The following ZNF536 variants were observed in gnomAD, a reference collection of about 807,000 sequenced individuals.
ZNF536 encodes the protein zinc finger protein 536.
Under a neutral mutation model 84.5 loss-of-function variants are expected in ZNF536, and 13 were observed. That is an observed-to-expected ratio of 0.15 (90% CI 0.10 to 0.24). The LOEUF is 0.24. Ranked by LOEUF, ZNF536 falls within the 10% of genes least tolerant of loss-of-function variation. ZNF536 has a pLI of 1.00. For synonymous variants in ZNF536, 811 were observed against 742.5 expected (o/e 1.09, Z -1.50); for missense variants, 1,536 against 1,747.5 (o/e 0.88, Z 2.16).
chr19:30,477,110 C>T (rs2053882014), intron 2 of ZNF536, among the ~76,000 whole-genome samples: 1 of 152,116 alleles, frequency 6.6e-6, no homozygotes, highest in African/African-American at 2.4e-5. Flanking sequence ...TGTTAAGGTC[C>T]ACTTGTCTTT....
At chr19:30,503,242 C>T (rs973100897) in intron 2 of ZNF536, among the ~76,000 whole-genome samples, 1 of 152,114 alleles carries the variant, frequency 6.6e-6, no homozygotes, top group African/African-American at 2.4e-5. Flanking sequence ...TTGCTAAATA[C>T]ATGATAGATG....
Position 30,358,919 on chromosome 19 carries a change from G to T in ZNF536, c.-3+6435G>T, listed in dbSNP as rs907525920. 1.3e-5 allele frequency among the ~76,000 whole-genome samples: 2 copies of T among 152,194 alleles called. 1 individual carries two copies. The highest frequency in any genetic ancestry group is 1.3e-4 in the Admixed American group (2 of 15,284). On this transcript the variant is annotated intron_variant, in intron 3 of 5. Coordinates refer to the ZNF536 transcript ENST00000585628. Reference sequence around the variant, plus strand: ...CCCTGTCACTGTGTGACCTGGGCAGGTCTCTTCACTCTTGGGGAGCTGTCA... The same window carrying T: ...CCCTGTCACTGTGTGACCTGGGCAGTTCTCTTCACTCTTGGGGAGCTGTCA...
intron 1 of ZNF536, among the ~76,000 whole-genome samples, chr19:30,634,086 C>T (rs893913695): frequency 6.6e-6 from 1 of 152,032 alleles, no homozygotes; most frequent in African/African-American, 2.4e-5. Flanking sequence ...AAGGTCGTTT[C>T]CATTGCATCC....
rs768856443 is a variant in ZNF536, at chr19:30,444,188, G to C, written c.626G>C (p.Arg209Pro). Residue 209 changes from arginine (R) to proline (P), a missense_variant, in exon 2 of 5, where the codon CGG becomes CCG. Around this residue, in one of 8 missense-constraint regions of ZNF536, gnomAD observed 138 missense variants for 136.8 expected, o/e 1.01. Coordinates refer to ENST00000355537, the MANE Select transcript of ZNF536 (RefSeq NM_014717.3). ...LHELEERAILRDKQLKGSLLQ... is the reference protein window; with the variant it reads ...LHELEERAILPDKQLKGSLLQ... Reference sequence around the variant, plus strand: ...GAGCTGGAGGAGCGCGCCATCCTGCGGGACAAGCAGCTGAAAGGCAGCCTG... The same window carrying C: ...GAGCTGGAGGAGCGCGCCATCCTGCCGGACAAGCAGCTGAAAGGCAGCCTG... The C allele has an allele frequency of 6.4e-7, 1 of 1,560,810 alleles. No individual in the cohort carries two copies. The highest frequency in any genetic ancestry group is 1.2e-5 in the South Asian group (1 of 86,242).
intron 1 of ZNF536, among the ~76,000 whole-genome samples, chr19:30,567,574 A>G (rs1033357118): frequency 2.6e-5 from 4 of 152,148 alleles, no homozygotes; most frequent in African/African-American, 9.7e-5. Flanking sequence ...GAGGGCCCCG[A>G]GGAAACCTGA....
At chr19:30,662,037 C>T (rs2050140334) in intron 1 of ZNF536, among the ~76,000 whole-genome samples, 2 of 152,168 alleles carry the variant, frequency 1.3e-5, no homozygotes, top group Non-Finnish European at 2.9e-5. Flanking sequence ...AACTTAATAG[C>T]TCAAAGCTTA....
intron 1 of ZNF536, among the ~76,000 whole-genome samples, chr19:30,583,691 G>A (rs190890608): frequency 1.5e-3 from 235 of 152,288 alleles, no homozygotes; most frequent in African/African-American, 5.5e-3. Flanking sequence ...GTCCTCATGA[G>A]GGCAGCAATC....
intron 1 of ZNF536, among the ~76,000 whole-genome samples, chr19:30,685,365 A>T (rs939959172): frequency 1.3e-5 from 2 of 152,136 alleles, no homozygotes; most frequent in Non-Finnish European, 2.9e-5. Context: ...GGGCTCTTAC[A>T]GCGGGAGTGT....
chr19:30,333,429 C>T (rs1312370033), intron 2 of ZNF536, among the ~76,000 whole-genome samples: 1 of 152,338 alleles, frequency 6.6e-6, no homozygotes, highest in African/African-American at 2.4e-5. Context: ...TGAATGCCCA[C>T]ACTGAACATT....
chr19:30,572,682 G>A (rs138292610), intron 1 of ZNF536, among the ~76,000 whole-genome samples: 6 of 152,198 alleles, frequency 3.9e-5, no homozygotes, highest in African/African-American at 1.4e-4. Context: ...ACCTTCTATG[G>A]GGACACTGAC....
intron 1 of ZNF536, among the ~76,000 whole-genome samples, chr19:30,438,694 G>A (rs1894846826): frequency 6.6e-6 from 1 of 151,874 alleles, no homozygotes; most frequent in African/African-American, 2.4e-5. Context: ...TTTGTTTTTT[G>A]AGACAAGGTC....
intron 2 of ZNF536, among the ~76,000 whole-genome samples, chr19:30,503,656 T>C (rs1430357019): frequency 6.6e-6 from 1 of 152,206 alleles, no homozygotes; most frequent in Non-Finnish European, 1.5e-5. Context: ...CCTTGCAAAG[T>C]CAGCAGACAT....
chr19:30,345,627 A>T (rs1298986339), intron 2 of ZNF536, among the ~76,000 whole-genome samples: 21 of 152,236 alleles, frequency 1.4e-4, no homozygotes, highest in Non-Finnish European at 8.8e-5. Flanking sequence ...ATTTCAAATG[A>T]GTCCTTATCT....
chr19:30,488,143 G>C (rs1241778010), intron 2 of ZNF536, among the ~76,000 whole-genome samples: 6 of 152,140 alleles, frequency 3.9e-5, no homozygotes, highest in Non-Finnish European at 7.4e-5. Context: ...TCTACTTACA[G>C]ATTTCCCTCC....
intron 1 of ZNF536, among the ~76,000 whole-genome samples, chr19:30,586,694 G>A (rs1383665846): frequency 1.3e-5 from 2 of 152,208 alleles, no homozygotes; most frequent in Non-Finnish European, 2.9e-5. Context: ...GTTCAACACA[G>A]CCTGCTTTTT....
At chr19:30,332,705 A>G (rs961627501) in intron 2 of ZNF536, among the ~76,000 whole-genome samples, 6 of 152,162 alleles carry the variant, frequency 3.9e-5, no homozygotes, top group South Asian at 2.1e-4. Context: ...CTTAAAGCCT[A>G]TGTGGGAAAG....
chr19:30,263,355 A>G lies in ZNF536; in HGVS notation c.-189-20717A>G, dbSNP rs57026843. 4.2e-3 allele frequency among the ~76,000 whole-genome samples: 643 copies of G among 152,246 alleles called. 4 individuals are homozygous for G. Among genetic ancestry groups the G allele is most frequent in the African/African-American group, 0.015 (616 of 41,540 alleles). On this transcript the variant is annotated intron_variant, in intron 1 of 5. Transcript: ENST00000585628. ...GGAGCCCCTACAGAAGCCACACTGC[A>G]GTGCCATCACCCGTGGAGCTGGCAG...
At chr19:30,529,316 A>T (rs879855207) in intron 2 of ZNF536, among the ~76,000 whole-genome samples, 1 of 152,182 alleles carries the variant, frequency 6.6e-6, no homozygotes, top group Non-Finnish European at 1.5e-5. Flanking sequence ...ATACAGCAAG[A>T]TAGCCAACCT....
At chr19:30,257,297 C>G (rs969743434) in intron 1 of ZNF536, among the ~76,000 whole-genome samples, 1 of 152,198 alleles carries the variant, frequency 6.6e-6, no homozygotes, top group African/African-American at 2.4e-5. Flanking sequence ...ATGTTGAGCA[C>G]TGCAAGAGGG....
Sources: gnomAD v4.1 joint callset for allele counts (sites outside exome capture counted in the v4.1 genomes callset) on GRCh38, gnomAD v4.1.1 for gene constraint, gnomAD v4.1.1 regional missense constraint, MANE v1.5 for transcripts, NCBI Gene and HGNC (gene_info 2026-07-23, HGNC 2026-07-21) for gene names.